Variants in CPLANE1 observed in about 807,000 individuals in gnomAD.
The protein encoded by CPLANE1 is ciliogenesis and planar polarity effector 1.
In CPLANE1, 263 loss-of-function variants were observed where a neutral mutation model predicts 362.5. The ratio of observed to expected loss-of-function variants is 0.73; its 90% CI spans 0.66 to 0.80. The LOEUF is 0.80. Ranked by LOEUF, CPLANE1 falls within the 30% of genes least tolerant of loss-of-function variation. The pLI is 0.00. For missense variants in CPLANE1, 3,461 were observed against 3,793.4 expected, an observed-to-expected ratio of 0.91 and a Z score of 2.30; for synonymous variants, 1,212 against 1,302.6, an observed-to-expected ratio of 0.93 and a Z score of 1.50.
intron 46 of CPLANE1, chr5:37,130,519 A>G (rs1162837939): frequency 4.6e-6 from 1 of 216,104 alleles, no homozygotes; most frequent in East Asian, 1.1e-4. Context: ...AACAAAGCAA[A>G]GCCAGTTACT....
chr5:37,202,717 T>C (rs1325582167), intron 18 of CPLANE1, among the ~76,000 whole-genome samples: 1 of 152,064 alleles, frequency 6.6e-6, no homozygotes, highest in Non-Finnish European at 1.5e-5. Context: ...ATATAATATG[T>C]CAAACACTTA....
intron 52 of CPLANE1, 130 bp downstream of exon 52, chr5:37,108,163 C>A: frequency 1.2e-6 from 1 of 851,586 alleles, no homozygotes; most frequent in Non-Finnish European, 1.8e-6. Flanking sequence ...CGATTTCAAA[C>A]TGACCTAACA....
At chr5:37,229,388 A>T (rs1159895209) in intron 9 of CPLANE1, among the ~76,000 whole-genome samples, 3 of 151,438 alleles carry the variant, frequency 2.0e-5, no homozygotes, top group Non-Finnish European at 4.4e-5. Flanking sequence ...GTCTCTAAAA[A>T]ATTAGCTGGG....
At position 37,164,334 on chromosome 5, in the gene CPLANE1, G is replaced by T; in HGVS notation, c.7534-7C>A. The T allele has an allele frequency of 6.2e-7, 1 of 1,610,010 alleles. No individual in the cohort carries two copies. Among genetic ancestry groups the T allele is most frequent in the Non-Finnish European group, 8.5e-7 (1 of 1,176,746 alleles). ...CACAATGTTCTTGTTGTTCCTAAAT[G>T]AATTCCCACAGGATTACTCTATGAT... On this transcript the variant is annotated splice_polypyrimidine_tract_variant and splice_region_variant and intron_variant, in intron 36 of 52. Transcript: ENST00000651892.
In CPLANE1 at chr5:37,181,017, C is replaced by T. The variant is rs1561517509; in HGVS notation, c.5422-12G>A. 2.5e-6 allele frequency: 4 copies of T among 1,608,598 alleles called. No individual in the cohort carries two copies. Among genetic ancestry groups the T allele is most frequent in the Non-Finnish European group, 3.4e-6 (4 of 1,176,922 alleles). On this transcript the variant is annotated splice_polypyrimidine_tract_variant and intron_variant, in intron 26 of 52. Transcript: ENST00000651892. The stretch of plus-strand genomic sequence containing the variant: ...CGATTCTCTACCATCTAAAGCAAAC[C>T]ATTTAAAGTATTTAGTATTTATTGA...
intron 9 of CPLANE1, among the ~76,000 whole-genome samples, chr5:37,230,124 G>A (rs914594668): frequency 2.0e-5 from 3 of 148,472 alleles, no homozygotes; most frequent in Admixed American, 6.8e-5. Flanking sequence ...GCAGTGAGCC[G>A]AGATCACACC....
At chr5:37,186,858 GA>G (rs1784137390) in intron 23 of CPLANE1, among the ~76,000 whole-genome samples, 1 of 151,990 alleles carries the variant, frequency 6.6e-6, no homozygotes, top group South Asian at 2.1e-4. Flanking sequence ...AGGAGATCAA[GA>G]CCATCCTGGC....
chr5:37,085,162 A>G, the CPLANE1 span: 4 of 790,476 alleles, frequency 5.1e-6, no homozygotes, highest in Admixed American at 7.1e-5. Flanking sequence ...ACCAGTCCTC[A>G]CAAGTTGAGA....
At position 37,180,089 on chromosome 5, in the gene CPLANE1, T is replaced by C; in HGVS notation, c.5665A>G (p.Ile1889Val). 6.4e-7 allele frequency: 1 copy of C among 1,564,790 alleles called. No individual in the cohort carries two copies. Among genetic ancestry groups the C allele is most frequent in the Non-Finnish European group, 8.7e-7 (1 of 1,150,436 alleles). Residue 1889 changes from isoleucine to valine, a missense_variant, in exon 28 of 53, where the codon ATT becomes GTT. Physicochemically the swap from Ile to Val is conservative, Grantham distance 29. This residue lies in a region of CPLANE1 where 3,380 missense variants were observed against 3,666.1 expected (regional missense o/e 0.92). Transcript: ENST00000651892. ...TCTACTTCTAAAAGATTCTCATCAA[T>C]ATCTATAAATTCTTTTTTAGTATTA... ...THNTKKEFID[I>V]DENLLEVEAF...
chr5:37,130,814 G>C (rs73750934), intron 46 of CPLANE1: 5,228 of 152,792 alleles, frequency 0.034, 318 homozygotes, highest in African/African-American at 0.12. Context: ...TTAATGTGCA[G>C]GCATTGGCAC....
chr5:37,104,395 A>G (rs1255828931), downstream of CPLANE1, among the ~76,000 whole-genome samples: 2 of 144,254 alleles, frequency 1.4e-5, no homozygotes, highest in South Asian at 4.5e-4. Context: ...GTCAGGAGTT[A>G]AGAGACCAGC....
Position 37,246,857 on chromosome 5 carries a change from G to A in CPLANE1, c.81+761C>T, listed in dbSNP as rs182199978. Among the ~76,000 whole-genome samples, 696 of 152,230 alleles carry A rather than the reference G, an allele frequency of 4.6e-3. 4 individuals carry two copies. Among genetic ancestry groups the A allele is most frequent in the Non-Finnish European group, 4.9e-3 (336 of 68,014 alleles). ...TGGGAGGCTGAGGTTGCAGTGAGCC[G>A]AGAGGATGCCATTGCGTCCAGCCTG... On this transcript the variant is annotated intron_variant, in intron 2 of 52. Transcript: ENST00000651892.
chr5:37,090,009 GAGATTT>G, the CPLANE1 span, among the ~76,000 whole-genome samples: 1 of 152,116 alleles, frequency 6.6e-6, no homozygotes, highest in Non-Finnish European at 1.5e-5. Flanking sequence ...ACACAGCTAA[GAGATTT>G]AATCATTTAC....
At chr5:37,182,595 T>A (rs934068405) in intron 26 of CPLANE1, among the ~76,000 whole-genome samples, 165 bp downstream of exon 26, 3 of 152,180 alleles carry the variant, frequency 2.0e-5, no homozygotes, top group Non-Finnish European at 4.4e-5. Context: ...TTGTTAAGAA[T>A]TAAAGGAACC....
chr5:37,212,531 C>A, intron 16 of CPLANE1: 1 of 532,282 alleles, frequency 1.9e-6, no homozygotes, highest in Admixed American at 3.1e-5. Context: ...CAAATGTTTT[C>A]GTATTATCAA....
At chr5:37,238,409 C>T (rs535944947) in intron 8 of CPLANE1, among the ~76,000 whole-genome samples, 1 of 151,516 alleles carries the variant, frequency 6.6e-6, no homozygotes, top group African/African-American at 2.4e-5. Context: ...TCTCAAACTC[C>T]TGACCTCAGG....
intron 16 of CPLANE1, chr5:37,212,225 G>A: frequency 6.9e-7 from 1 of 1,442,318 alleles, no homozygotes; most frequent in South Asian, 1.1e-5. Flanking sequence ...ATCCTTTAGA[G>A]AAATACATGA....
chr5:37,190,238 A>G (rs551562851), intron 21 of CPLANE1, among the ~76,000 whole-genome samples: 18 of 152,216 alleles, frequency 1.2e-4, no homozygotes, highest in African/African-American at 4.3e-4. Context: ...AATAAAGGGC[A>G]TGAAACAGAA....
At chr5:37,211,695 G>A in intron 16 of CPLANE1, 1 of 782,850 alleles carries the variant, frequency 1.3e-6, no homozygotes, top group Middle Eastern at 2.3e-4. Context: ...ATCACCCGCT[G>A]AGTCTAGGCA....
Sources: gnomAD v4.1 joint callset for allele counts (sites outside exome capture counted in the v4.1 genomes callset) on GRCh38, gnomAD v4.1.1 for gene constraint, gnomAD v4.1.1 regional missense constraint, MANE v1.5 for transcripts, NCBI Gene and HGNC (gene_info 2026-07-23, HGNC 2026-07-21) for gene names.